The following TOM1L2 variants were observed in gnomAD, a reference collection of about 807,000 sequenced individuals.
TOM1L2 encodes the protein TOM1-like protein 2.
TOM1L2 carries 31 observed loss-of-function variants against 67.9 expected under a neutral mutation model. The ratio of observed to expected loss-of-function variants is 0.46; its 90% CI spans 0.34 to 0.62. TOM1L2 has a LOEUF of 0.62. Among genes scored for constraint, TOM1L2 ranks in the 20% least tolerant of loss-of-function variants. The pLI, the probability that TOM1L2 is intolerant of heterozygous loss-of-function variation, is 0.01. For missense variants in TOM1L2, 606 were observed against 663.5 expected, an observed-to-expected ratio of 0.91 and a Z score of 0.95; for synonymous variants, 256 against 254.0, an observed-to-expected ratio of 1.01 and a Z score of -0.07.
chr17:17,876,434 AGT>A (rs2037425602), intron 7 of TOM1L2, among the ~76,000 whole-genome samples: 1 of 152,254 alleles, frequency 6.6e-6, no homozygotes, highest in Admixed American at 6.5e-5. Flanking sequence ...GAGACTGTGC[AGT>A]GGGTGGGGCT....
intron 4 of TOM1L2, among the ~76,000 whole-genome samples, chr17:17,888,322 G>A (rs535153240): frequency 1.2e-4 from 18 of 152,316 alleles, no homozygotes; most frequent in Admixed American, 5.2e-4. Context: ...CCTTTGGACC[G>A]TATACAAAAC....
chr17:17,887,527 A>G (rs2144130953), intron 4 of TOM1L2, among the ~76,000 whole-genome samples: 1 of 152,336 alleles, frequency 6.6e-6, no homozygotes, highest in Admixed American at 6.5e-5. Context: ...AGGCTGGAGT[A>G]CAATGGTGGT....
At position 17,950,409 on chromosome 17, in the gene TOM1L2, T is replaced by C. The variant is rs142157164; in HGVS notation, c.52+21853A>G. On this transcript the variant is annotated intron_variant, in intron 1 of 14. Coordinates refer to ENST00000379504, the MANE Select transcript of TOM1L2 (RefSeq NM_001082968.2). The stretch of plus-strand genomic sequence containing the variant: ...CCTGACCTAAAGTGATCTGCCTGCC[T>C]TAGCCTCCCAAAATGCTGGTATTAC... Among the ~76,000 whole-genome samples the C allele has an allele frequency of 2.5e-3, 388 of 152,272 alleles. 4 individuals carry two copies. The highest frequency in any genetic ancestry group is 8.9e-3 in the African/African-American group (370 of 41,546).
In TOM1L2 at chr17:17,881,979, T is replaced by C. The variant is rs143297465; in HGVS notation, c.660+726A>G. On this transcript the variant is annotated intron_variant, in intron 6 of 14. Coordinates refer to ENST00000379504, the MANE Select transcript of TOM1L2 (RefSeq NM_001082968.2). ...TTGGAGAGTTTTTTTTTCCCCCAAG[T>C]CTGACCAATTCTCAAATTGTAACTA... 1.8e-4 allele frequency among the ~76,000 whole-genome samples: 27 copies of C among 152,296 alleles called. No homozygotes were observed. In the East Asian group the frequency reaches 4.8e-3, roughly 27 times the overall value.
At chr17:17,870,387 C>A (rs1339800803) in intron 7 of TOM1L2, among the ~76,000 whole-genome samples, 1 of 152,158 alleles carries the variant, frequency 6.6e-6, no homozygotes, top group African/African-American at 2.4e-5. Flanking sequence ...TCCTGCCAGG[C>A]CCCTTGCCAT....
chr17:17,891,846 A>C (rs1332938120), intron 4 of TOM1L2, among the ~76,000 whole-genome samples: 1 of 151,480 alleles, frequency 6.6e-6, no homozygotes, highest in East Asian at 1.9e-4. Context: ...AGACAGAAGG[A>C]TATTGGGTGG....
intron 1 of TOM1L2, among the ~76,000 whole-genome samples, chr17:17,952,551 CTGG>C (rs2041257227): frequency 6.6e-6 from 1 of 151,722 alleles, no homozygotes. Context: ...GCTGCCACGC[CTGG>C]CTAAGTTTTT....
chr17:17,859,179 G>C (rs1039866182), intron 12 of TOM1L2: 1 of 152,132 alleles, frequency 6.6e-6, no homozygotes, highest in Non-Finnish European at 1.5e-5. Flanking sequence ...GGGTTCAAGC[G>C]ATTCTCCTAC....
At chr17:17,919,344 C>T (rs1432243557) in intron 1 of TOM1L2, among the ~76,000 whole-genome samples, 1 of 152,196 alleles carries the variant, frequency 6.6e-6, no homozygotes, top group Non-Finnish European at 1.5e-5. Context: ...CCCCCCTCCT[C>T]TCCCATTCCC....
Position 17,861,592 on chromosome 17 carries a change from C to G in TOM1L2, c.1203-41G>C, listed in dbSNP as rs750659543. ...CAGCACAAGCAGAGTTCATTTTCCT[C>G]CAGTGGTCATGGAGGGATGGGGTAG... On this transcript the variant is annotated intron_variant, in intron 11 of 14. Transcript: ENST00000379504. The G allele has an allele frequency of 8.2e-6, 13 of 1,589,166 alleles. No individual in the cohort carries two copies. The South Asian group carries it at 1.3e-4, about 16-fold the overall frequency.
intron 1 of TOM1L2, among the ~76,000 whole-genome samples, chr17:17,912,954 C>T (rs1341057967): frequency 2.0e-5 from 3 of 152,254 alleles, no homozygotes; most frequent in Admixed American, 1.3e-4. Flanking sequence ...GAGGCCGAGG[C>T]TGGCGGATCG....
rs527608383 is a variant in TOM1L2, at chr17:17,922,909, A to G, written c.53-15378T>C. 2.0e-5 allele frequency among the ~76,000 whole-genome samples: 3 copies of G among 152,254 alleles called. No homozygotes were observed. In the South Asian group the frequency reaches 6.2e-4, roughly 32 times the overall value. On this transcript the variant is annotated intron_variant, in intron 1 of 14. Coordinates refer to ENST00000379504, the MANE Select transcript of TOM1L2 (RefSeq NM_001082968.2). Reference sequence around the variant, plus strand: ...AGTGGCCACCTTAACTGCCTCCTGGAGTGTGAGCAGAGAGGACCAGGACAA... The same window carrying G: ...AGTGGCCACCTTAACTGCCTCCTGGGGTGTGAGCAGAGAGGACCAGGACAA...
chr17:17,904,895 G>A (rs1375402122), intron 2 of TOM1L2, among the ~76,000 whole-genome samples: 1 of 152,170 alleles, frequency 6.6e-6, no homozygotes. Context: ...TGGGACCATG[G>A]CATCAGGGAC....
chr17:17,955,973 G>C (rs762348623), intron 1 of TOM1L2, among the ~76,000 whole-genome samples: 30 of 152,144 alleles, frequency 2.0e-4, no homozygotes, highest in Non-Finnish European at 3.4e-4. Context: ...CAATGGGTTC[G>C]TGGTCTGCGC....
At chr17:17,904,298 T>C (rs1199892976) in intron 2 of TOM1L2, among the ~76,000 whole-genome samples, 8 of 152,226 alleles carry the variant, frequency 5.3e-5, no homozygotes, top group Admixed American at 5.2e-4. Context: ...AAAGAAGGCA[T>C]TGGCCCCTTC....
At chr17:17,932,600 G>A (rs2040377186) in intron 1 of TOM1L2, among the ~76,000 whole-genome samples, 1 of 152,148 alleles carries the variant, frequency 6.6e-6, no homozygotes, top group Admixed American at 6.5e-5. Context: ...TTGGGGGAAA[G>A]CCAGGCCTCT....
intron 7 of TOM1L2, among the ~76,000 whole-genome samples, chr17:17,874,891 G>T (rs2037342005): frequency 6.6e-6 from 1 of 152,190 alleles, no homozygotes. Context: ...TTCCACATCA[G>T]GGATTTCCAG....
intron 2 of TOM1L2, among the ~76,000 whole-genome samples, chr17:17,906,935 A>G (rs1292580930): frequency 6.6e-6 from 1 of 152,242 alleles, no homozygotes; most frequent in Non-Finnish European, 1.5e-5. Flanking sequence ...TAACAACAGG[A>G]ACGGATCCAG....
intron 1 of TOM1L2, among the ~76,000 whole-genome samples, chr17:17,911,642 ATTCT>A (rs1322430011): frequency 6.6e-6 from 1 of 151,994 alleles, no homozygotes; most frequent in Non-Finnish European, 1.5e-5. Flanking sequence ...TTAGCTGGAA[ATTCT>A]TTTTTTTTTT....
Sources: gnomAD v4.1 joint callset for allele counts (sites outside exome capture counted in the v4.1 genomes callset) on GRCh38, gnomAD v4.1.1 for gene constraint, MANE v1.5 for transcripts, NCBI Gene and HGNC (gene_info 2026-07-23, HGNC 2026-07-21) for gene names.